The following PCBP3 variants were observed in gnomAD, a reference collection of about 807,000 sequenced individuals.
PCBP3 encodes the protein poly(rC)-binding protein 3.
Under a neutral mutation model 52.7 loss-of-function variants are expected in PCBP3, and 25 were observed. The ratio of observed to expected loss-of-function variants is 0.47; its 90% CI spans 0.35 to 0.66. PCBP3 has a LOEUF of 0.66. Ranked by LOEUF, PCBP3 falls within the 30% of genes least tolerant of loss-of-function variation. The probability of loss-of-function intolerance (pLI) is 0.01; values close to 1 mark genes in which losing one functional copy is unlikely to be tolerated. For missense variants in PCBP3, 391 were observed against 490.3 expected (o/e 0.80, Z 1.91); for synonymous variants, 162 against 183.0 (o/e 0.89, Z 0.93).
chr21:45,790,653 G>T lies in PCBP3; in HGVS notation c.-126+35201G>T, dbSNP rs2091478082. Among the ~76,000 whole-genome samples the T allele has an allele frequency of 1.3e-5, 2 of 152,146 alleles. 1 individual carries two copies. Among genetic ancestry groups the T allele is most frequent in the South Asian group, 4.1e-4 (2 of 4,822 alleles). On this transcript the variant is annotated intron_variant, in intron 4 of 17. Coordinates refer to ENST00000681687, the MANE Select transcript of PCBP3 (RefSeq NM_001384156.1). ...AGCAGAGTCTGAGCCTAAGTGGCCA[G>T]CGAGGGACCCAGGAGACGCAAAAGC...
chr21:45,734,526 C>T (rs1364300658), intron 2 of PCBP3, among the ~76,000 whole-genome samples: 1 of 152,200 alleles, frequency 6.6e-6, no homozygotes, highest in African/African-American at 2.4e-5. Context: ...CCACCGACTT[C>T]CAGAGATGTC....
At chr21:45,872,626 G>A (rs1228028914) in intron 5 of PCBP3, 1 of 152,236 alleles carries the variant, frequency 6.6e-6, no homozygotes, top group African/African-American at 2.4e-5. Context: ...TCAGTGTCCA[G>A]GCCCCGGAGC....
chr21:45,855,405 G>A (rs1569328182), intron 5 of PCBP3, among the ~76,000 whole-genome samples: 1 of 152,154 alleles, frequency 6.6e-6, no homozygotes, highest in Non-Finnish European at 1.5e-5. Flanking sequence ...CAGACCTTGA[G>A]AACCGCACCA....
chr21:45,779,528 T>G (rs2048142251), intron 4 of PCBP3, among the ~76,000 whole-genome samples: 1 of 152,218 alleles, frequency 6.6e-6, no homozygotes, highest in Admixed American at 6.5e-5. Flanking sequence ...TGACCGTACA[T>G]TCTTTTGGTT....
At chr21:45,664,595 AT>A (rs199838953) in intron 1 of PCBP3, among the ~76,000 whole-genome samples, 7,026 of 147,150 alleles carry the variant, frequency 0.048, 367 homozygotes, top group East Asian at 0.12. Flanking sequence ...AAGAGCTTTT[AT>A]TTTTTTTAAT....
At chr21:45,899,443 C>T (rs1300953404) in intron 6 of PCBP3, among the ~76,000 whole-genome samples, 156 bp from the exon 7 acceptor site, 2 of 151,938 alleles carry the variant, frequency 1.3e-5, no homozygotes, top group Non-Finnish European at 2.9e-5. Context: ...CCCTCCCCAC[C>T]AGCAGATTCT....
intron 2 of PCBP3, among the ~76,000 whole-genome samples, chr21:45,687,821 G>A (rs949156349): frequency 5.9e-5 from 9 of 151,272 alleles, no homozygotes; most frequent in Admixed American, 1.3e-4. Flanking sequence ...AGCTCCACCC[G>A]CCAGGTTCAT....
At chr21:45,833,966 G>A (rs1041220840) in intron 4 of PCBP3, among the ~76,000 whole-genome samples, 2 of 152,224 alleles carry the variant, frequency 1.3e-5, no homozygotes, top group Non-Finnish European at 2.9e-5. Flanking sequence ...TGACTCACCT[G>A]TGCTTGTCAC....
intron 2 of PCBP3, among the ~76,000 whole-genome samples, chr21:45,723,435 A>C (rs1005900932): frequency 5.3e-5 from 8 of 152,234 alleles, no homozygotes; most frequent in Non-Finnish European, 1.2e-4. Context: ...ACCCATTCAG[A>C]AAAGGGTTAA....
chr21:45,664,097 G>A (rs913937171), intron 1 of PCBP3, among the ~76,000 whole-genome samples: 1 of 147,228 alleles, frequency 6.8e-6, no homozygotes, highest in Non-Finnish European at 1.5e-5. Flanking sequence ...TAAAACCCAA[G>A]GAGAGTAAAT....
At chr21:45,784,470 CCTACCT>C (rs1301580022) in intron 4 of PCBP3, among the ~76,000 whole-genome samples, 1 of 151,136 alleles carries the variant, frequency 6.6e-6, no homozygotes, top group East Asian at 1.9e-4. Flanking sequence ...CCTCCTACCT[CCTACCT>C]CTACCCTCTT....
chr21:45,821,406 T>G lies in PCBP3; in HGVS notation c.-125-28555T>G, dbSNP rs1367609954. 6.7e-6 allele frequency among the ~76,000 whole-genome samples: 1 copy of G among 148,900 alleles called. No homozygotes were observed. Among genetic ancestry groups the G allele is most frequent in the East Asian group, 2.0e-4 (1 of 5,010 alleles). On this transcript the variant is annotated intron_variant, in intron 4 of 17. Coordinates refer to ENST00000681687, the MANE Select transcript of PCBP3 (RefSeq NM_001384156.1). The surrounding 1 kb of genome is among the most constrained non-coding windows in gnomAD (Gnocchi z 4.4). Reference sequence around the variant, plus strand: ...GCCCCGCACCCTCCCCCAACTCTTTTCTACAACACTCTTCCCCCTGCACCG... The same window carrying G: ...GCCCCGCACCCTCCCCCAACTCTTTGCTACAACACTCTTCCCCCTGCACCG...
chr21:45,671,619 C>T (rs1012325192), intron 2 of PCBP3, among the ~76,000 whole-genome samples: 5 of 152,058 alleles, frequency 3.3e-5, no homozygotes, highest in Non-Finnish European at 7.4e-5. Flanking sequence ...GGTAAGAGGG[C>T]GTTAGAAAGA....
chr21:45,680,078 C>T (rs896358705), intron 2 of PCBP3, among the ~76,000 whole-genome samples: 2 of 152,154 alleles, frequency 1.3e-5, no homozygotes, highest in Non-Finnish European at 2.9e-5. Context: ...TATATCGTTC[C>T]ATTGATTGCC....
At chr21:45,674,360 G>T (rs926279161) in intron 2 of PCBP3, among the ~76,000 whole-genome samples, 1 of 152,092 alleles carries the variant, frequency 6.6e-6, no homozygotes, top group African/African-American at 2.4e-5. Flanking sequence ...CTTTCGTTCC[G>T]AGATATAAAC....
intron 2 of PCBP3, among the ~76,000 whole-genome samples, chr21:45,695,017 A>G (rs187916091): frequency 6.6e-6 from 1 of 152,364 alleles, no homozygotes; most frequent in African/African-American, 2.4e-5. Flanking sequence ...GTTGTAATGC[A>G]GAATGCCAGT....
At chr21:45,901,774 G>A (rs947115840) in intron 9 of PCBP3, among the ~76,000 whole-genome samples, 5 of 144,784 alleles carry the variant, frequency 3.5e-5, no homozygotes, top group African/African-American at 8.0e-5. Context: ...GAGAGAGAGC[G>A]AGGGGGAGAG....
At position 45,831,585 on chromosome 21, in the gene PCBP3, A is replaced by T. The variant is rs75273056; in HGVS notation, c.-125-18376A>T. Reference sequence around the variant, plus strand: ...CAACCTGAATTGTGCTGTATTCCATACACTGGAAAGCACTGCACTGGTCAT... The same window carrying T: ...CAACCTGAATTGTGCTGTATTCCATTCACTGGAAAGCACTGCACTGGTCAT... On this transcript the variant is annotated intron_variant, in intron 4 of 17. Coordinates refer to ENST00000681687, the MANE Select transcript of PCBP3 (RefSeq NM_001384156.1). Among the ~76,000 whole-genome samples, 497 of 152,266 alleles carry T rather than the reference A, an allele frequency of 3.3e-3. 10 individuals carry two copies. The East Asian group carries it at 0.05, about 15-fold the overall frequency.
chr21:45,733,387 C>T (rs1418650348), intron 2 of PCBP3, among the ~76,000 whole-genome samples: 1 of 151,246 alleles, frequency 6.6e-6, no homozygotes, highest in Non-Finnish European at 1.5e-5. Flanking sequence ...CCTGGGTTCA[C>T]GCCATTCTCC....
Sources: allele counts gnomAD v4.1 joint callset (sites outside exome capture counted in the v4.1 genomes callset), GRCh38; gene constraint gnomAD v4.1.1; non-coding constraint Gnocchi (gnomAD v3.1); transcripts MANE v1.5; gene names NCBI Gene and HGNC (gene_info 2026-07-23, HGNC 2026-07-21).